Variants in MDFIC2 observed in about 807,000 individuals in gnomAD.
MDFIC2 encodes myoD family inhibitor domain-containing protein 2.
chr3:70,296,700 C>T (rs752526432), intron 2 of MDFIC2, among the ~76,000 whole-genome samples: 5 of 152,058 alleles, frequency 3.3e-5, no homozygotes, highest in Non-Finnish European at 7.4e-5. Context: ...TCAACAAGTT[C>T]TTAAAACTTC....
chr3:70,283,868 T>G (rs994405519), intron 2 of MDFIC2: 2 of 152,092 alleles, frequency 1.3e-5, no homozygotes, highest in East Asian at 1.9e-4. Context: ...AATGTATTTT[T>G]AAGAGAATGT....
intron 2 of MDFIC2, among the ~76,000 whole-genome samples, chr3:70,309,619 T>C (rs1375669209): frequency 6.6e-6 from 1 of 152,156 alleles, no homozygotes; most frequent in Non-Finnish European, 1.5e-5. Context: ...TGCCATGCTC[T>C]TTTTACTGCA....
intron 2 of MDFIC2, among the ~76,000 whole-genome samples, chr3:70,271,254 AC>A (rs879384521): frequency 5.3e-5 from 8 of 152,074 alleles, no homozygotes; most frequent in Non-Finnish European, 1.2e-4. Context: ...ACTCAAGATG[AC>A]CAGGACTAGG....
intron 2 of MDFIC2, among the ~76,000 whole-genome samples, chr3:70,281,556 G>T (rs901321411): frequency 1.3e-5 from 2 of 152,150 alleles, no homozygotes; most frequent in African/African-American, 4.8e-5. Flanking sequence ...GTCTAGCACA[G>T]GGTAAAAGCT....
At chr3:70,212,800 T>C (rs1701364350) in intron 2 of MDFIC2, among the ~76,000 whole-genome samples, 1 of 151,856 alleles carries the variant, frequency 6.6e-6, no homozygotes, top group South Asian at 2.1e-4. Context: ...TTCTCTCTCT[T>C]TTTTTGAGAC....
chr3:70,233,914 G>A (rs1199926763), intron 2 of MDFIC2, among the ~76,000 whole-genome samples: 1 of 152,126 alleles, frequency 6.6e-6, no homozygotes, highest in African/African-American at 2.4e-5. Flanking sequence ...ATTGTTTTCA[G>A]TTGTTGGCTG....
chr3:70,227,132 A>G (rs1318469575), intron 2 of MDFIC2, among the ~76,000 whole-genome samples: 1 of 152,188 alleles, frequency 6.6e-6, no homozygotes, highest in Non-Finnish European at 1.5e-5. Flanking sequence ...AAGATACTTG[A>G]AATACAGGTT....
At chr3:70,311,365 A>T (rs1457687792) in intron 2 of MDFIC2, among the ~76,000 whole-genome samples, 2 of 152,206 alleles carry the variant, frequency 1.3e-5, no homozygotes, top group African/African-American at 4.8e-5. Context: ...TTAGGAGAAC[A>T]TATTGATTTG....
intron 2 of MDFIC2, among the ~76,000 whole-genome samples, chr3:70,247,999 A>G (rs1375356984): frequency 2.0e-5 from 3 of 152,092 alleles, no homozygotes; most frequent in Admixed American, 6.6e-5. Context: ...ATAAAAGTCT[A>G]AACAGGTCAA....
In MDFIC2 at chr3:70,268,288, C is replaced by T. The variant is rs146102016; in HGVS notation, c.88+43598G>A. On this transcript the variant is annotated intron_variant, in intron 2 of 3. Transcript: ENST00000567252. The stretch of plus-strand genomic sequence containing the variant: ...AAGTTCGCGACCAGCCTGGACAGCA[C>T]GGAGAAACACCCACCGTCTGTACTA... Among the ~76,000 whole-genome samples the T allele has an allele frequency of 9.2e-3, 1,391 of 151,978 alleles. 15 individuals are homozygous for T. The highest frequency in any genetic ancestry group is 0.031 in the African/African-American group (1,287 of 41,458).
chr3:70,239,049 A>C (rs1374738689), intron 2 of MDFIC2, among the ~76,000 whole-genome samples: 3 of 152,164 alleles, frequency 2.0e-5, no homozygotes, highest in Non-Finnish European at 4.4e-5. Context: ...AATGGCTTAA[A>C]ATTGGAGGCT....
chr3:70,211,559 TTG>T (rs1262377519), intron 2 of MDFIC2, among the ~76,000 whole-genome samples: 276 of 20,320 alleles, frequency 0.014, 19 homozygotes, highest in East Asian at 0.03. Context: ...TCCCTTCCCT[TTG>T]CCCTTCCCTT....
intron 2 of MDFIC2, among the ~76,000 whole-genome samples, chr3:70,299,228 C>T (rs1702321363): frequency 6.6e-6 from 1 of 151,928 alleles, no homozygotes; most frequent in African/African-American, 2.4e-5. Flanking sequence ...ATGTTTATTG[C>T]CCTAGAAAGG....
chr3:70,254,628 T>C (rs1409374786), intron 2 of MDFIC2, among the ~76,000 whole-genome samples: 3 of 152,220 alleles, frequency 2.0e-5, no homozygotes, highest in Non-Finnish European at 4.4e-5. Flanking sequence ...TTTTCCACTA[T>C]GAAATCAGGG....
intron 2 of MDFIC2, among the ~76,000 whole-genome samples, chr3:70,230,925 C>T (rs985828598): frequency 6.6e-6 from 1 of 152,136 alleles, no homozygotes; most frequent in Non-Finnish European, 1.5e-5. Context: ...TTCCACTTTT[C>T]AATTTGGATG....
intron 2 of MDFIC2, among the ~76,000 whole-genome samples, chr3:70,282,098 T>A (rs1575614575): frequency 6.6e-6 from 1 of 152,112 alleles, no homozygotes; most frequent in South Asian, 2.1e-4. Flanking sequence ...GAAGGCTTTT[T>A]TATTCAGGTG....
intron 2 of MDFIC2, among the ~76,000 whole-genome samples, chr3:70,264,547 T>C (rs2106664600): frequency 6.6e-6 from 1 of 152,340 alleles, no homozygotes; most frequent in South Asian, 2.1e-4. Flanking sequence ...GCATGGACTT[T>C]GAACAAAGTG....
At chr3:70,305,551 C>T (rs1375871672) in intron 2 of MDFIC2, among the ~76,000 whole-genome samples, 1 of 152,210 alleles carries the variant, frequency 6.6e-6, no homozygotes, top group African/African-American at 2.4e-5. Flanking sequence ...CACTTAAGTA[C>T]ATGAGTTCCT....
chr3:70,305,008 G>T (rs1702386298), intron 2 of MDFIC2, among the ~76,000 whole-genome samples: 1 of 151,850 alleles, frequency 6.6e-6, no homozygotes, highest in Admixed American at 6.6e-5. Flanking sequence ...GATTTTTGCA[G>T]CACTGGCTCA....
Sources: allele counts gnomAD v4.1 joint callset (sites outside exome capture counted in the v4.1 genomes callset), GRCh38; gene constraint gnomAD v4.1.1; transcripts MANE v1.5; gene names NCBI Gene and HGNC (gene_info 2026-07-23, HGNC 2026-07-21).